Variants in PTPN9 observed in about 807,000 individuals in gnomAD.
The protein encoded by PTPN9 is tyrosine-protein phosphatase non-receptor type 9.
In PTPN9, 26 loss-of-function variants were observed where a neutral mutation model predicts 69.8. That is an observed-to-expected ratio of 0.37 (90% CI 0.27 to 0.52). The LOEUF is 0.52. Among genes scored for constraint, PTPN9 ranks in the 20% least tolerant of loss-of-function variants. The pLI is 0.91. For missense variants in PTPN9, 549 were observed against 740.3 expected (o/e 0.74, Z 3.00); for synonymous variants, 274 against 272.5 (o/e 1.01, Z -0.05).
chr15:75,562,495 G>A (rs1044048648), intron 1 of PTPN9, among the ~76,000 whole-genome samples: 4 of 152,102 alleles, frequency 2.6e-5, no homozygotes, highest in East Asian at 1.9e-4. Context: ...GAGTCTCAGC[G>A]CTTCTACTGA....
chr15:75,499,099 A>G (rs1473504879), intron 7 of PTPN9, among the ~76,000 whole-genome samples: 1 of 152,170 alleles, frequency 6.6e-6, no homozygotes, highest in Non-Finnish European at 1.5e-5. Flanking sequence ...AAAAGAGAAA[A>G]GGGAAAGAAA....
At chr15:75,554,856 C>A (rs1335392651) in intron 1 of PTPN9, among the ~76,000 whole-genome samples, 1 of 152,156 alleles carries the variant, frequency 6.6e-6, no homozygotes, top group African/African-American at 2.4e-5. Flanking sequence ...CTCACATGTC[C>A]AGACTCTCAG....
chr15:75,534,144 C>A (rs950716561), intron 1 of PTPN9, among the ~76,000 whole-genome samples: 1 of 152,148 alleles, frequency 6.6e-6, no homozygotes, highest in Non-Finnish European at 1.5e-5. Flanking sequence ...CCACAATTTC[C>A]TCACCTTGAA....
chr15:75,491,828 A>C (rs573652250), intron 7 of PTPN9, among the ~76,000 whole-genome samples: 2 of 152,282 alleles, frequency 1.3e-5, no homozygotes, highest in South Asian at 4.1e-4. Flanking sequence ...ACCACCAAAA[A>C]ACTCCAGCTG....
Position 75,524,133 on chromosome 15 carries a change from A to C in PTPN9, c.297+76T>G, listed in dbSNP as rs112451011. ...TAATAAAATTAAAAAAAAAAAAAAA[A>C]AAACAAAGTCCAAACAGGACACCAG... On this transcript the variant is annotated intron_variant, in intron 3 of 12. Transcript: ENST00000618819. 2.3e-4 allele frequency: 164 copies of C among 722,796 alleles called. No homozygotes were observed. The African/African-American group carries it at 2.3e-3, about 10-fold the overall frequency. 44.8% of individuals were successfully genotyped at this position (722,796 alleles called of 1,614,324 possible). A position where few individuals can be genotyped will look rare whatever the true frequency, so the allele number is the denominator to read the frequency against.
chr15:75,512,904 G>A, intron 5 of PTPN9: 1 of 347,968 alleles, frequency 2.9e-6, no homozygotes, highest in Admixed American at 3.5e-5. Flanking sequence ...CAAGCTACAT[G>A]TTCTTATAGA....
chr15:75,481,339 T>G (rs1404866159), intron 8 of PTPN9, among the ~76,000 whole-genome samples: 1 of 35,474 alleles, frequency 2.8e-5, no homozygotes, highest in Non-Finnish European at 6.0e-5. Flanking sequence ...GGGAGGGAGG[T>G]GGGGGGGGGT....
intron 1 of PTPN9, among the ~76,000 whole-genome samples, chr15:75,566,448 G>A (rs996886719): frequency 6.6e-6 from 1 of 152,140 alleles, no homozygotes; most frequent in Non-Finnish European, 1.5e-5. Context: ...TTGGGAGGCC[G>A]AGGTGGGCAG....
At chr15:75,551,359 G>A (rs968704550) in intron 1 of PTPN9, among the ~76,000 whole-genome samples, 5 of 151,976 alleles carry the variant, frequency 3.3e-5, no homozygotes, top group African/African-American at 1.2e-4. Context: ...TAAAACCCAC[G>A]CTCTTTTTCT....
intron 5 of PTPN9, among the ~76,000 whole-genome samples, chr15:75,514,391 C>T (rs2074859454): frequency 2.0e-5 from 3 of 152,106 alleles, no homozygotes; most frequent in Non-Finnish European, 4.4e-5. Flanking sequence ...CCAGCCTAGG[C>T]ACCATGGTGA....
At chr15:75,510,393 A>C (rs1047283075) in intron 5 of PTPN9, among the ~76,000 whole-genome samples, 1 of 152,022 alleles carries the variant, frequency 6.6e-6, no homozygotes, top group Non-Finnish European at 1.5e-5. Flanking sequence ...CTGCGCCACT[A>C]CACTTGGCTA....
chr15:75,541,059 A>G (rs967234082), intron 1 of PTPN9, among the ~76,000 whole-genome samples: 1 of 152,020 alleles, frequency 6.6e-6, no homozygotes, highest in African/African-American at 2.4e-5. Context: ...AGCCTGGGTA[A>G]CAGTGAAACC....
chr15:75,493,036 TC>T (rs1445978104), intron 7 of PTPN9, among the ~76,000 whole-genome samples: 2 of 151,988 alleles, frequency 1.3e-5, no homozygotes, highest in Non-Finnish European at 2.9e-5. Flanking sequence ...AAACCTGTAG[TC>T]CCGGCTATTC....
rs117556515 is a variant in PTPN9 at position 75,552,854 on chromosome 15, T to C, written c.64-25593A>G. Among the ~76,000 whole-genome samples the C allele has an allele frequency of 9.4e-3, 1,409 of 149,776 alleles. 10 individuals carry two copies. The highest frequency in any genetic ancestry group is 0.017 in the Middle Eastern group (5 of 292). Reference sequence around the variant, plus strand: ...TAAGGGCACTGGGTCATGCTGACCATACAGAAGGAGGGCCTTTAGCTAAGA... The same window carrying C: ...TAAGGGCACTGGGTCATGCTGACCACACAGAAGGAGGGCCTTTAGCTAAGA... On this transcript the variant is annotated intron_variant, in intron 1 of 12. Coordinates refer to ENST00000618819, the MANE Select transcript of PTPN9 (RefSeq NM_002833.4).
chr15:75,485,978 T>C (rs2074673828), intron 8 of PTPN9, among the ~76,000 whole-genome samples: 1 of 150,958 alleles, frequency 6.6e-6, no homozygotes, highest in African/African-American at 2.4e-5. Context: ...CGGGCGCCTG[T>C]AGTCCCAGCT....
chr15:75,572,087 T>G (rs1325093665), intron 1 of PTPN9, among the ~76,000 whole-genome samples: 1 of 151,980 alleles, frequency 6.6e-6, no homozygotes, highest in Non-Finnish European at 1.5e-5. Context: ...ATCCCAGCAC[T>G]TTGGGCTGCT....
intron 1 of PTPN9, among the ~76,000 whole-genome samples, chr15:75,535,871 A>C (rs1014863261): frequency 2.0e-5 from 3 of 152,198 alleles, no homozygotes; most frequent in Non-Finnish European, 2.9e-5. Context: ...ATGAATTTCC[A>C]AACTAAAACT....
chr15:75,578,724 T>C lies in PTPN9; in HGVS notation c.53A>G (p.Glu18Gly). 4 of 1,366,072 alleles carry C rather than the reference T, an allele frequency of 2.9e-6. No individual in the cohort carries two copies. The highest frequency in any genetic ancestry group is 3.8e-6 in the Non-Finnish European group (4 of 1,056,582). The allele number at this position is 1,366,072 out of a possible 1,614,324, so 84.6% of individuals were successfully genotyped here. Residue 18 changes from glutamate to glycine, a missense_variant, in exon 1 of 13, where the codon GAG becomes GGG. Glu to Gly is a moderately conservative substitution (Grantham distance 98). Coordinates refer to ENST00000618819, the MANE Select transcript of PTPN9 (RefSeq NM_002833.4). Reference sequence around the variant, plus strand: ...CTCGGGCCCGCTTACCTGCTCCTCCTCCGGGGTCAGCTCCGGCGCCATGTC... The same window carrying C: ...CTCGGGCCCGCTTACCTGCTCCTCCCCCGGGGTCAGCTCCGGCGCCATGTC... Reference protein sequence around the residue: ...RPDMAPELTPEEEQATKQFLE... With the variant: ...RPDMAPELTPGEEQATKQFLE...
Position 75,505,708 on chromosome 15 carries a change from C to G in PTPN9, c.935G>C (p.Arg312Pro). ...GIYEEYEDIR[R>P]ENPVGTFHCS... ...GTGGAAAGTGCCAACAGGGTTCTCA[C>G]GACGAATGTCTTCATATTCCTCATA... Residue 312 changes from arginine to proline, a missense_variant, in exon 7 of 13, where the codon CGT becomes CCT. Around this residue, in one of 3 missense-constraint regions of PTPN9, gnomAD observed 457 missense variants for 661.9 expected, o/e 0.69. Coordinates refer to ENST00000618819, the MANE Select transcript of PTPN9 (RefSeq NM_002833.4). 1.2e-6 allele frequency: 2 copies of G among 1,614,038 alleles called. No homozygotes were observed. Among genetic ancestry groups the G allele is most frequent in the Non-Finnish European group, 1.7e-6 (2 of 1,179,988 alleles).
Sources: gnomAD v4.1 joint callset for allele counts (sites outside exome capture counted in the v4.1 genomes callset) on GRCh38, gnomAD v4.1.1 for gene constraint, gnomAD v4.1.1 regional missense constraint, MANE v1.5 for transcripts, NCBI Gene and HGNC (gene_info 2026-07-23, HGNC 2026-07-21) for gene names.